TEX101: variants seen among roughly 807,000 people sequenced by gnomAD.
TEX101 encodes the protein testis expressed 101, also known as testis-expressed protein 101.
TEX101 carries 10 observed loss-of-function variants against 18.1 expected under a neutral mutation model. That is an observed-to-expected ratio of 0.55 (90% CI 0.34 to 0.94). The LOEUF (loss-of-function observed/expected upper bound fraction) is 0.94, where lower values mean the gene tolerates loss of function less well. Among genes scored for constraint, TEX101 ranks in the 40% least tolerant of loss-of-function variants. The pLI is 0.02. For synonymous variants in TEX101, 94 were observed against 114.8 expected (o/e 0.82, Z 1.16); for missense variants, 259 against 298.9 (o/e 0.87, Z 0.98).
chr19:43,410,980 G>A (rs890854556), upstream of TEX101, among the ~76,000 whole-genome samples: 3 of 152,066 alleles, frequency 2.0e-5, no homozygotes, highest in Non-Finnish European at 4.4e-5. Context: ...GGGCTCCAGC[G>A]ATCCTCCCAC....
intron 1 of TEX101, among the ~76,000 whole-genome samples, chr19:43,402,037 C>T (rs73041505): frequency 0.079 from 12,029 of 152,286 alleles, 547 homozygotes; most frequent in Middle Eastern, 0.15. Context: ...GTGCTCAACA[C>T]GTTTGGAAAT....
the TEX101 span, among the ~76,000 whole-genome samples, chr19:43,391,586 C>T: frequency 6.6e-6 from 1 of 152,088 alleles, no homozygotes; most frequent in South Asian, 2.1e-4. Flanking sequence ...AGAGGTAGCA[C>T]ATGGTGCATT....
the TEX101 span, among the ~76,000 whole-genome samples, chr19:43,390,371 T>G: frequency 1.3e-5 from 2 of 151,972 alleles, no homozygotes; most frequent in African/African-American, 4.8e-5. Flanking sequence ...CAATAGGAAT[T>G]ATTGTAAATT....
At chr19:43,392,294 T>G in the TEX101 span, among the ~76,000 whole-genome samples, 27 of 151,912 alleles carry the variant, frequency 1.8e-4, no homozygotes, top group South Asian at 4.2e-4. Context: ...ATAGAGAGAT[T>G]CAGGGCAGGA....
chr19:43,414,725 C>A, upstream of TEX101: 2 of 628,796 alleles, frequency 3.2e-6, no homozygotes, highest in East Asian at 1.4e-4. Flanking sequence ...CCGCCACTCA[C>A]CTTCCGAGCA....
the TEX101 span, among the ~76,000 whole-genome samples, chr19:43,392,110 T>A: frequency 6.6e-6 from 1 of 151,000 alleles, no homozygotes; most frequent in Non-Finnish European, 1.5e-5. Flanking sequence ...GAGAAAATGA[T>A]AAAGACCCAG....
Position 43,418,596 on chromosome 19 carries a change from G to T in TEX101, c.*199G>T. ...CGTTACTAATAAACATTTCTGCTGTGATTTGTGTATGTTTCAACACTAGAA... is the reference window on the plus strand; with the variant it reads ...CGTTACTAATAAACATTTCTGCTGTTATTTGTGTATGTTTCAACACTAGAA... On this transcript the variant is annotated 3_prime_UTR_variant, in exon 6 of 6. Transcript: ENST00000598265. 1 of 558,138 alleles carries T rather than the reference G, an allele frequency of 1.8e-6. No homozygotes were observed. Among genetic ancestry groups the T allele is most frequent in the Non-Finnish European group, 3.1e-6 (1 of 318,744 alleles). 34.6% of individuals were successfully genotyped at this position (558,138 alleles called of 1,614,324 possible). A position where few individuals can be genotyped will look rare whatever the true frequency, so the allele number is the denominator to read the frequency against.
upstream of TEX101, among the ~76,000 whole-genome samples, chr19:43,410,899 C>G (rs989863484): frequency 6.6e-6 from 1 of 152,152 alleles, no homozygotes; most frequent in African/African-American, 2.4e-5. Context: ...GGGTCTTGCT[C>G]TGTCACCAGA....
chr19:43,393,678 C>A, the TEX101 span, among the ~76,000 whole-genome samples: 2 of 152,136 alleles, frequency 1.3e-5, no homozygotes, highest in Non-Finnish European at 2.9e-5. Context: ...ATGCTCTGTG[C>A]CCGATACTTG....
At chr19:43,407,669 C>T (rs1970379880) in intron 3 of TEX101, among the ~76,000 whole-genome samples, 1 of 152,182 alleles carries the variant, frequency 6.6e-6, no homozygotes, top group Non-Finnish European at 1.5e-5. Context: ...GACCACTGGG[C>T]TAAGCTGCCA....
chr19:43,394,798 G>A, the TEX101 span, among the ~76,000 whole-genome samples: 4 of 152,130 alleles, frequency 2.6e-5, no homozygotes, highest in African/African-American at 9.7e-5. Context: ...TCAATGCCCA[G>A]GACATAATGT....
At chr19:43,412,324 C>T (rs1173774277), upstream of TEX101, among the ~76,000 whole-genome samples, 1 of 152,136 alleles carries the variant, frequency 6.6e-6, no homozygotes, top group Non-Finnish European at 1.5e-5. Context: ...CTGGCAAGGA[C>T]TCACTCATCA....
chr19:43,392,661 C>T, the TEX101 span, among the ~76,000 whole-genome samples: 6 of 151,980 alleles, frequency 3.9e-5, no homozygotes, highest in Non-Finnish European at 8.8e-5. Context: ...CACAGAGAGA[C>T]ACAGAGGGAA....
chr19:43,416,354 C>T lies in TEX101; in HGVS notation c.209-19C>T. ...GTGACGGCCACCATCCATTTCCCCT[C>T]CTTCCTGTCTCATAACAGGGACTGA... On this transcript the variant is annotated intron_variant, in intron 3 of 5. Transcript: ENST00000598265. 6.2e-7 allele frequency: 1 copy of T among 1,605,250 alleles called. No homozygotes were observed. Among genetic ancestry groups the T allele is most frequent in the South Asian group, 1.1e-5 (1 of 90,078 alleles).
chr19:43,410,676 C>T (rs1291996493), upstream of TEX101, among the ~76,000 whole-genome samples: 1 of 151,528 alleles, frequency 6.6e-6, no homozygotes, highest in African/African-American at 2.4e-5. Flanking sequence ...CTGGAAGGAA[C>T]CAGATACACA....
chr19:43,397,807 A>G (rs914368206), upstream of TEX101, among the ~76,000 whole-genome samples: 9 of 90,522 alleles, frequency 9.9e-5, no homozygotes, highest in Non-Finnish European at 2.3e-4. Flanking sequence ...TTTATATTAT[A>G]TAAATATAAA....
chr19:43,414,907 G>A lies in TEX101; in HGVS notation c.-171G>A, dbSNP rs557917413. The A allele has an allele frequency of 3.6e-5, 35 of 985,388 alleles. No homozygotes were observed. The highest frequency in any genetic ancestry group is 4.1e-5 in the Non-Finnish European group (34 of 829,972). The allele number at this position is 985,388 out of a possible 1,614,324, so 61.0% of individuals were successfully genotyped here. Reference sequence around the variant, plus strand: ...TGCGTCGTAAGAGAATGCCAAGCCCGGGGAGAAGGCGTTCCGGGCCTCAAC... The same window carrying A: ...TGCGTCGTAAGAGAATGCCAAGCCCAGGGAGAAGGCGTTCCGGGCCTCAAC... On this transcript the variant is annotated 5_prime_UTR_variant, in exon 1 of 6. Coordinates refer to ENST00000598265, the MANE Select transcript of TEX101 (RefSeq NM_001130011.3).
upstream of TEX101, chr19:43,414,803 C>T (rs1970453743): frequency 1.0e-6 from 1 of 977,732 alleles, no homozygotes; most frequent in Non-Finnish European, 1.2e-6. Context: ...TTCCTCCAGG[C>T]TCATCCAATG....
chr19:43,416,323 C>T, intron 3 of TEX101, 50 bp from the exon 4 acceptor site: 1 of 1,589,484 alleles, frequency 6.3e-7, no homozygotes, highest in Non-Finnish European at 8.6e-7. Context: ...TTCGTCCAGG[C>T]CAATTGTGAC....
Sources: gnomAD v4.1 joint callset for allele counts (sites outside exome capture counted in the v4.1 genomes callset) on GRCh38, gnomAD v4.1.1 for gene constraint, MANE v1.5 for transcripts, NCBI Gene and HGNC (gene_info 2026-07-23, HGNC 2026-07-21) for gene names.